The following BBS2 variants were observed in gnomAD, a reference collection of about 807,000 sequenced individuals.
The protein encoded by BBS2 is Bardet-Biedl syndrome 2.
In BBS2, 62 loss-of-function variants were observed where a neutral mutation model predicts 83.0. That is an observed-to-expected ratio of 0.75 (90% CI 0.61 to 0.92). The LOEUF (loss-of-function observed/expected upper bound fraction) is 0.92, where lower values mean the gene tolerates loss of function less well. Among genes scored for constraint, BBS2 ranks in the 40% least tolerant of loss-of-function variants. The pLI, the probability that BBS2 is intolerant of heterozygous loss-of-function variation, is 0.00. For synonymous variants in BBS2, 303 were observed against 326.1 expected (o/e 0.93, Z 0.76); for missense variants, 784 against 901.0 (o/e 0.87, Z 1.66).
chr16:56,516,020 T>G (rs771761430), intron 1 of BBS2: 10 of 152,196 alleles, frequency 6.6e-5, no homozygotes, highest in Non-Finnish European at 1.2e-4. Context: ...GCTGAGAAAG[T>G]ACAGGAGCAG....
At chr16:56,495,913 G>GT (rs1477577445) in intron 15 of BBS2, among the ~76,000 whole-genome samples, 1 of 151,922 alleles carries the variant, frequency 6.6e-6, no homozygotes, top group African/African-American at 2.4e-5. Flanking sequence ...GGGAAAGAGG[G>GT]TGAGTGTAGA....
intron 8 of BBS2, 21 bp from the exon 9 acceptor site, chr16:56,502,477 G>T: frequency 6.2e-7 from 1 of 1,614,068 alleles, no homozygotes; most frequent in Non-Finnish European, 8.5e-7. Flanking sequence ...GGAAAAAACC[G>T]CAAGTATAAC....
At chr16:56,475,624 C>T (rs1963435343) in intron 17 of BBS2, 1 of 1,449,164 alleles carries the variant, frequency 6.9e-7, no homozygotes, top group South Asian at 1.1e-5. Context: ...TTTCATTTTT[C>T]AAAGACCCAA....
intron 15 of BBS2, among the ~76,000 whole-genome samples, chr16:56,489,396 C>T (rs1963875161): frequency 6.6e-6 from 1 of 151,938 alleles, no homozygotes; most frequent in South Asian, 2.1e-4. Flanking sequence ...CAAGTCAGAC[C>T]AATGGAATAG....
chr16:56,497,595 C>T, intron 14 of BBS2, 148 bp downstream of exon 14: 1 of 1,024,156 alleles, frequency 9.8e-7, no homozygotes, highest in Non-Finnish European at 1.5e-6. Flanking sequence ...GTAGTAAACT[C>T]TCCAATACTA....
chr16:56,514,996 G>C (rs527307441), intron 1 of BBS2, among the ~76,000 whole-genome samples: 2 of 152,090 alleles, frequency 1.3e-5, no homozygotes, highest in Non-Finnish European at 2.9e-5. Flanking sequence ...GCCTTTTCCC[G>C]ATCAACCTAG....
At position 56,500,972 on chromosome 16, in the gene BBS2, T is replaced by C. The variant is rs746263997; in HGVS notation, c.1279A>G (p.Ser427Gly). The change falls in exon 11 of 17, where the codon AGC becomes GGC. Residue 427 changes from serine (S) to glycine (G), a missense_variant. Transcript: ENST00000245157. ...TGAATGCTGGGATGTACCACGTGGC[T>C]TTCACCTGTAAAAATTCCTTCTGCA... ...IFAEGIFTGE[S>G]HVVHPSIHNL... 1.2e-6 allele frequency: 2 copies of C among 1,614,148 alleles called. No homozygotes were observed. Among genetic ancestry groups the C allele is most frequent in the South Asian group, 2.2e-5 (2 of 91,084 alleles).
chr16:56,503,069 C>T (rs1462411889), intron 7 of BBS2, among the ~76,000 whole-genome samples: 2 of 152,144 alleles, frequency 1.3e-5, no homozygotes, highest in Admixed American at 6.5e-5. Flanking sequence ...CTTGAAGAAA[C>T]GGGTCTGCTA....
chr16:56,490,029 A>AT (rs1963898270), intron 15 of BBS2, among the ~76,000 whole-genome samples: 1 of 151,862 alleles, frequency 6.6e-6, no homozygotes, highest in Non-Finnish European at 1.5e-5. Flanking sequence ...AGGTGGGAGG[A>AT]TAACTTGAGC....
chr16:56,491,399 G>C (rs1281994811), intron 15 of BBS2, among the ~76,000 whole-genome samples: 1 of 152,092 alleles, frequency 6.6e-6, no homozygotes, highest in Non-Finnish European at 1.5e-5. Context: ...CTCAGGCTTT[G>C]CCTCTTCACA....
chr16:56,489,837 A>G (rs1392044469), intron 15 of BBS2, among the ~76,000 whole-genome samples: 2 of 150,974 alleles, frequency 1.3e-5, no homozygotes, highest in African/African-American at 4.9e-5. Flanking sequence ...AAAATAATGC[A>G]ATGTGGCCAG....
chr16:56,509,892 GT>G (rs1964529436), intron 5 of BBS2, 64 bp downstream of exon 5: 1 of 1,551,122 alleles, frequency 6.4e-7, no homozygotes, highest in South Asian at 1.1e-5. Flanking sequence ...CTCACTTGAT[GT>G]TTCATCTGAC....
intron 1 of BBS2, among the ~76,000 whole-genome samples, chr16:56,517,027 C>T (rs530332340): frequency 8.2e-4 from 125 of 151,798 alleles, no homozygotes; most frequent in African/African-American, 2.8e-3. Flanking sequence ...AGGCCATTTT[C>T]GACAACAGCC....
chr16:56,477,940 C>G (rs1159376388), intron 17 of BBS2: 1 of 152,170 alleles, frequency 6.6e-6, no homozygotes, highest in Non-Finnish European at 1.5e-5. Flanking sequence ...AGGTTTAATT[C>G]TGCACCCTAG....
chr16:56,495,127 T>C (rs766510664), intron 15 of BBS2, among the ~76,000 whole-genome samples: 6 of 152,172 alleles, frequency 3.9e-5, no homozygotes, highest in African/African-American at 4.8e-5. Flanking sequence ...AAAGAAACTG[T>C]CTTTCCTGTA....
At chr16:56,483,700 AC>A (rs1597000423), downstream of BBS2, among the ~76,000 whole-genome samples, 1 of 145,264 alleles carries the variant, frequency 6.9e-6, no homozygotes, top group East Asian at 2.1e-4. Context: ...CCAAATATCC[AC>A]ATTTTTTTTT....
At chr16:56,508,450 T>C (rs1964484934) in intron 5 of BBS2, among the ~76,000 whole-genome samples, 1 of 152,224 alleles carries the variant, frequency 6.6e-6, no homozygotes, top group Non-Finnish European at 1.5e-5. Flanking sequence ...TCACAAGCTA[T>C]TGCTCCTTTA....
chr16:56,513,321 C>T (rs1964631957), intron 2 of BBS2, among the ~76,000 whole-genome samples: 1 of 152,056 alleles, frequency 6.6e-6, no homozygotes, highest in African/African-American at 2.4e-5. Flanking sequence ...AAACAAATTA[C>T]ATTAACACAA....
chr16:56,493,479 A>C (rs144664345), intron 15 of BBS2, among the ~76,000 whole-genome samples: 1 of 151,832 alleles, frequency 6.6e-6, no homozygotes, highest in African/African-American at 2.4e-5. Flanking sequence ...GTGTGTGTAT[A>C]TATCTGTGTG....
Sources: gnomAD v4.1 joint callset for allele counts (sites outside exome capture counted in the v4.1 genomes callset) on GRCh38, gnomAD v4.1.1 for gene constraint, MANE v1.5 for transcripts, NCBI Gene and HGNC (gene_info 2026-07-23, HGNC 2026-07-21) for gene names.